MMS22L: variants seen among roughly 807,000 people sequenced by gnomAD.
The protein encoded by MMS22L is protein MMS22-like.
MMS22L carries 74 observed loss-of-function variants against 159.1 expected under a neutral mutation model. The observed-to-expected ratio is 0.47, with a 90% confidence interval of 0.39 to 0.56. The LOEUF (loss-of-function observed/expected upper bound fraction) is 0.56, where lower values mean the gene tolerates loss of function less well. Ranked by LOEUF, MMS22L falls within the 20% of genes least tolerant of loss-of-function variation. The pLI is 0.00. For missense variants in MMS22L, 1,351 were observed against 1,422.1 expected, an observed-to-expected ratio of 0.95 and a Z score of 0.80; for synonymous variants, 517 against 506.9, an observed-to-expected ratio of 1.02 and a Z score of -0.27.
At chr6:97,173,296 T>C in intron 18 of MMS22L, 74 bp from the exon 19 acceptor site, 1 of 1,435,878 alleles carries the variant, frequency 7.0e-7, no homozygotes, top group Middle Eastern at 2.4e-4. Context: ...AAGATAATTT[T>C]TCTCTCTTTT....
intron 22 of MMS22L, among the ~76,000 whole-genome samples, chr6:97,154,862 G>C (rs1801668793): frequency 6.6e-6 from 1 of 152,038 alleles, no homozygotes; most frequent in South Asian, 2.1e-4. Context: ...CTGTTGCTTT[G>C]TAACATGTTT....
chr6:97,219,422 C>T (rs1281882940), intron 14 of MMS22L, among the ~76,000 whole-genome samples: 3 of 152,194 alleles, frequency 2.0e-5, no homozygotes, highest in Non-Finnish European at 4.4e-5. Flanking sequence ...CTATCCACTA[C>T]ATTATCCACT....
intron 11 of MMS22L, among the ~76,000 whole-genome samples, chr6:97,238,521 G>A (rs376475511): frequency 6.6e-5 from 10 of 151,360 alleles, no homozygotes; most frequent in East Asian, 2.0e-4. Context: ...GGAGTACTAC[G>A]CATCTCCCAC....
intron 20 of MMS22L, 21 bp downstream of exon 20, chr6:97,168,050 A>G: frequency 6.5e-7 from 1 of 1,543,636 alleles, no homozygotes; most frequent in Non-Finnish European, 8.7e-7. Context: ...TTAAACTTTT[A>G]AGCAACCACA....
At chr6:97,174,570 A>G (rs1181725102) in intron 18 of MMS22L, among the ~76,000 whole-genome samples, 1 of 152,144 alleles carries the variant, frequency 6.6e-6, no homozygotes, top group African/African-American at 2.4e-5. Context: ...ATAGGGAAGG[A>G]AGTGAGGCCT....
intron 9 of MMS22L, among the ~76,000 whole-genome samples, chr6:97,255,086 C>T (rs944441065): frequency 3.3e-5 from 5 of 151,978 alleles, no homozygotes; most frequent in African/African-American, 4.8e-5. Context: ...TATTCTCAAG[C>T]GGCTTGTTTC....
intron 21 of MMS22L, 45 bp downstream of exon 21, chr6:97,165,201 C>A: frequency 1.9e-6 from 3 of 1,544,748 alleles, no homozygotes; most frequent in South Asian, 1.1e-5. Context: ...TTTAATAGAG[C>A]TTAATAATTT....
chr6:97,201,782 C>G (rs1001672224), intron 14 of MMS22L, among the ~76,000 whole-genome samples: 1 of 152,184 alleles, frequency 6.6e-6, no homozygotes, highest in East Asian at 1.9e-4. Context: ...TCCAAATTCA[C>G]TAAAAATTTA....
Position 97,278,860 on chromosome 6 carries a change from C to A in MMS22L, c.329G>T (p.Ser110Ile), listed in dbSNP as rs1369360966. ...LYNLETLLQS[S>I]CDFGKVSTLH... is the part of the protein sequence containing the mutation. The stretch of plus-strand genomic sequence containing the variant: ...CACCTTAAACTTACCAAAATCACAA[C>A]TGGACTGTAACAAGGTTTCCAAGTT... Residue 110 changes from serine to isoleucine, a missense_variant, in exon 4 of 25, where the codon AGT (serine) becomes ATT (isoleucine). Physicochemically the swap from Ser to Ile is moderately radical, Grantham distance 142. Coordinates refer to ENST00000683635, the MANE Select transcript of MMS22L (RefSeq NM_001350599.2). 6.2e-7 allele frequency: 1 copy of A among 1,612,950 alleles called. No individual in the cohort carries two copies. The highest frequency in any genetic ancestry group is 1.3e-5 in the African/African-American group (1 of 74,914).
chr6:97,149,830 T>A lies in MMS22L; in HGVS notation c.3650+23A>T, dbSNP rs554644076. 1.5e-5 allele frequency: 23 copies of A among 1,547,806 alleles called. No homozygotes were observed. In the African/African-American group the frequency reaches 2.9e-4, roughly 20 times the overall value. ...ATTTTATAATCACTGCCCCCCCCAA[T>A]GTAATTAAATTATCAAACATACCTT... On this transcript the variant is annotated intron_variant, in intron 24 of 24. Coordinates refer to ENST00000683635, the MANE Select transcript of MMS22L (RefSeq NM_001350599.2).
chr6:97,146,766 G>T lies in MMS22L; in HGVS notation c.*40C>A. The T allele has an allele frequency of 7.8e-7, 1 of 1,281,476 alleles. No individual in the cohort carries two copies. The highest frequency in any genetic ancestry group is 1.3e-5 in the South Asian group (1 of 76,598). 79.4% of individuals were successfully genotyped at this position (1,281,476 alleles called of 1,614,324 possible). A position where few individuals can be genotyped will look rare whatever the true frequency, so the allele number is the denominator to read the frequency against. ...ATTAGAGTGGAACAATGTGGCTTTA[G>T]ATACTGATAATTAATAGACAGGATG... On this transcript the variant is annotated 3_prime_UTR_variant, in exon 25 of 25. Transcript: ENST00000683635.
chr6:97,224,806 G>A (rs1028636287), intron 14 of MMS22L, among the ~76,000 whole-genome samples: 6 of 151,304 alleles, frequency 4.0e-5, no homozygotes, highest in Admixed American at 2.0e-4. Flanking sequence ...GACTGTATAA[G>A]CCATTCAGGT....
chr6:97,166,177 C>G (rs1294811149), intron 20 of MMS22L, among the ~76,000 whole-genome samples: 1 of 152,034 alleles, frequency 6.6e-6, no homozygotes, highest in African/African-American at 2.4e-5. Context: ...TAGCAGTTAA[C>G]AAAATACTTT....
chr6:97,270,070 C>T, intron 6 of MMS22L, 78 bp from the exon 7 acceptor site: 1 of 1,094,536 alleles, frequency 9.1e-7, no homozygotes, highest in Non-Finnish European at 1.4e-6. Flanking sequence ...CACAATACTC[C>T]TCCATAAACA....
intron 2 of MMS22L, among the ~76,000 whole-genome samples, chr6:97,282,077 C>A (rs9387216): frequency 0.35 from 53,313 of 151,994 alleles, 10,747 homozygotes; most frequent in East Asian, 0.79. Flanking sequence ...GCCCAGCTCC[C>A]TACAGTAAGG....
intron 9 of MMS22L, chr6:97,261,232 A>G (rs1282416860): frequency 6.6e-6 from 1 of 152,180 alleles, no homozygotes; most frequent in Non-Finnish European, 1.5e-5. Flanking sequence ...TGACAGTACT[A>G]AGCACTCCCA....
intron 10 of MMS22L, among the ~76,000 whole-genome samples, chr6:97,252,102 TAGA>T (rs1813301924): frequency 1.4e-5 from 2 of 146,580 alleles, no homozygotes; most frequent in African/African-American, 5.0e-5. Context: ...AAAAAAGAAA[TAGA>T]AGAGTGACTT....
At position 97,162,232 on chromosome 6, in the gene MMS22L, T is replaced by C. The variant is rs1192525911; in HGVS notation, c.3222-67A>G. 23 of 1,431,688 alleles carry C rather than the reference T, an allele frequency of 1.6e-5. No individual in the cohort carries two copies. The East Asian group carries it at 4.5e-4, about 28-fold the overall frequency. The allele number at this position is 1,431,688 out of a possible 1,614,324, so 88.7% of individuals were successfully genotyped here. A position where few individuals can be genotyped will look rare whatever the true frequency, so the allele number is the denominator to read the frequency against. Reference sequence around the variant, plus strand: ...CAATAGAGCAAGACCAAATGGCATATAATTTAAAGATATTGGCAAAATTTA... The same window carrying C: ...CAATAGAGCAAGACCAAATGGCATACAATTTAAAGATATTGGCAAAATTTA... On this transcript the variant is annotated intron_variant, in intron 21 of 24. Transcript: ENST00000683635.
At chr6:97,156,981 CTTTTATT>C (rs1801922791) in intron 22 of MMS22L, among the ~76,000 whole-genome samples, 1 of 152,020 alleles carries the variant, frequency 6.6e-6, no homozygotes, top group African/African-American at 2.4e-5. Context: ...TTTGTGTCCT[CTTTTATT>C]TTATTTTGTT....
Sources: allele counts gnomAD v4.1 joint callset (sites outside exome capture counted in the v4.1 genomes callset), GRCh38; gene constraint gnomAD v4.1.1; transcripts MANE v1.5; gene names NCBI Gene and HGNC (gene_info 2026-07-23, HGNC 2026-07-21).